The following ASPSCR1 variants were observed in gnomAD, a reference collection of about 807,000 sequenced individuals.
The protein encoded by ASPSCR1 is ASPSCR1 tether for SLC2A4, UBX domain containing, also known as tether containing UBX domain for GLUT4.
Under a neutral mutation model 68.9 loss-of-function variants are expected in ASPSCR1, and 55 were observed. The observed-to-expected ratio is 0.80, with a 90% confidence interval of 0.64 to 1.00. The LOEUF (loss-of-function observed/expected upper bound fraction) is 1.00, where lower values mean the gene tolerates loss of function less well. ASPSCR1 is among the 50% of genes least tolerant of loss of function. The pLI is 0.00. For missense variants in ASPSCR1, 765 were observed against 762.2 expected, an observed-to-expected ratio of 1.00 and a Z score of -0.04; for synonymous variants, 352 against 332.6, an observed-to-expected ratio of 1.06 and a Z score of -0.63.
chr17:82,009,696 G>A (rs534280908), intron 9 of ASPSCR1, 129 bp downstream of exon 9: 13 of 551,030 alleles, frequency 2.4e-5, no homozygotes, highest in Admixed American at 1.2e-4. Context: ...TGGACAGGAC[G>A]TGGTGGCGAC....
intron 2 of ASPSCR1, among the ~76,000 whole-genome samples, chr17:81,979,646 C>T (rs2041730345): frequency 6.6e-6 from 1 of 152,182 alleles, no homozygotes; most frequent in Admixed American, 6.5e-5. Context: ...GGGGTGAGGA[C>T]ATTGACCCAT....
intron 4 of ASPSCR1, among the ~76,000 whole-genome samples, chr17:81,988,148 C>CAAAAAA (rs756745360): frequency 1.0e-5 from 1 of 98,020 alleles, no homozygotes; most frequent in Non-Finnish European, 2.1e-5. Context: ...GACTCTGTCT[C>CAAAAAA]AAAAAAAAAA....
At position 81,986,738 on chromosome 17, in the gene ASPSCR1, C is replaced by T. The variant is rs1221987388; in HGVS notation, c.374+1131C>T. ...AGCATAGGGCCTGTGGGAAGGTGAC[C>T]GCGCGTCGGGCGCTGGGAAGGTGAC... On this transcript the variant is annotated intron_variant, in intron 4 of 15. Transcript: ENST00000306739. The surrounding 1 kb of genome is among the most constrained non-coding windows in gnomAD (Gnocchi z 5.2). 2.0e-5 allele frequency among the ~76,000 whole-genome samples: 3 copies of T among 152,224 alleles called. No homozygotes were observed. The highest frequency in any genetic ancestry group is 1.5e-5 in the Non-Finnish European group (1 of 68,036).
intron 3 of ASPSCR1, among the ~76,000 whole-genome samples, chr17:81,984,269 GC>G (rs2041889587): frequency 6.6e-6 from 1 of 152,082 alleles, no homozygotes; most frequent in African/African-American, 2.4e-5. Context: ...TCATAGAATT[GC>G]CCAGAATGTT....
Position 81,990,341 on chromosome 17 carries a change from C to T in ASPSCR1, c.375-4480C>T, listed in dbSNP as rs888048165. Among the ~76,000 whole-genome samples, 2 of 152,118 alleles carry T rather than the reference C, an allele frequency of 1.3e-5. No individual in the cohort carries two copies. Among genetic ancestry groups the T allele is most frequent in the African/African-American group, 2.4e-5 (1 of 41,438 alleles). On this transcript the variant is annotated intron_variant, in intron 4 of 15. Coordinates refer to ENST00000306739, the MANE Select transcript of ASPSCR1 (RefSeq NM_024083.4). This position sits in a 1 kb window ranked among gnomAD's most constrained non-coding sequence, Gnocchi z 4.1. The stretch of plus-strand genomic sequence containing the variant: ...TTCTCAGGCTCTGCTGCAGGGAGGG[C>T]GTCAGGAGACAGAGGCTGCACACTG...
In ASPSCR1 at chr17:81,995,033, G is replaced by A. The variant is rs758987255; in HGVS notation, c.432+155G>A. On this transcript the variant is annotated intron_variant, in intron 5 of 15. Coordinates refer to ENST00000306739, the MANE Select transcript of ASPSCR1 (RefSeq NM_024083.4). ...TTTCATGGAAAAAGAGGGAGTGGCC[G>A]GCCCTCGGAGCCCGGGCTGCCCCGA... 19 of 817,512 alleles carry A rather than the reference G, an allele frequency of 2.3e-5. No homozygotes were observed. In the East Asian group the frequency reaches 2.8e-4, roughly 12 times the overall value. The allele number at this position is 817,512 out of a possible 1,614,324, so 50.6% of individuals were successfully genotyped here.
chr17:81,979,823 G>A (rs866683428), intron 2 of ASPSCR1, among the ~76,000 whole-genome samples: 2 of 152,152 alleles, frequency 1.3e-5, no homozygotes, highest in African/African-American at 2.4e-5. Flanking sequence ...TTACACGTAC[G>A]CTTCTGTGTG....
rs1267446204 is a variant in ASPSCR1, at chr17:81,977,832, T to C, written c.102+84T>C. 1 of 1,053,132 alleles carries C rather than the reference T, an allele frequency of 9.5e-7. No individual in the cohort carries two copies. Among genetic ancestry groups the C allele is most frequent in the African/African-American group, 1.7e-5 (1 of 59,248 alleles). The allele number at this position is 1,053,132 out of a possible 1,614,324, so 65.2% of individuals were successfully genotyped here. On this transcript the variant is annotated intron_variant, in intron 1 of 15. Transcript: ENST00000306739. This position sits in a 1 kb window ranked among gnomAD's most constrained non-coding sequence, Gnocchi z 5.0. The stretch of plus-strand genomic sequence containing the variant: ...CCGCCCATTGCGGTCGGCGTCCCGG[T>C]GTTCGGGGGCGGGGCCTCGGCGGCC...
chr17:82,000,751 A>T (rs1204091995), intron 7 of ASPSCR1, among the ~76,000 whole-genome samples: 3 of 152,166 alleles, frequency 2.0e-5, no homozygotes, highest in Non-Finnish European at 4.4e-5. Flanking sequence ...GGCATTAATT[A>T]TTAGAAGGTA....
intron 4 of ASPSCR1, among the ~76,000 whole-genome samples, chr17:81,992,228 G>A (rs1274494918): frequency 6.6e-6 from 1 of 152,226 alleles, no homozygotes; most frequent in Non-Finnish European, 1.5e-5. Flanking sequence ...GGGACTTGCA[G>A]AGGTCTGCGT....
intron 7 of ASPSCR1, 105 bp from the exon 8 acceptor site, chr17:82,008,932 C>G: frequency 2.2e-6 from 3 of 1,383,922 alleles, no homozygotes; most frequent in Non-Finnish European, 2.8e-6. Flanking sequence ...GGGAGTGGGC[C>G]CAGCTCCCAA....
At chr17:81,992,764 C>G (rs1164437560) in intron 4 of ASPSCR1, among the ~76,000 whole-genome samples, 3 of 152,254 alleles carry the variant, frequency 2.0e-5, no homozygotes, top group African/African-American at 7.2e-5. Flanking sequence ...GAGTCTCCAG[C>G]CATTTGGAGG....
At position 81,996,596 on chromosome 17, in the gene ASPSCR1, C is replaced by T. The variant is rs199934562; in HGVS notation, c.683C>T (p.Thr228Ile). The T allele has an allele frequency of 1.2e-6, 2 of 1,611,682 alleles. No individual in the cohort carries two copies. The highest frequency in any genetic ancestry group is 2.7e-5 in the African/African-American group (2 of 74,976). ...ACCTCAGGGCCCTGCTGCGAGCACA[C>T]TCAGGAGAAGCAGAGCACAAGGGCA... ...ADTSGPCCEH[T>I]QEKQSTRAPA... The change falls in exon 7 of 16, where the codon ACT (threonine) becomes ATT (isoleucine). Residue 228 changes from threonine (T) to isoleucine (I), a missense_variant. Physicochemically the swap from Thr to Ile is moderately conservative, Grantham distance 89. Coordinates refer to ENST00000306739, the MANE Select transcript of ASPSCR1 (RefSeq NM_024083.4).
intron 9 of ASPSCR1, 40 bp from the exon 10 acceptor site, chr17:82,010,762 C>A: frequency 6.3e-7 from 1 of 1,595,948 alleles, no homozygotes; most frequent in Non-Finnish European, 8.6e-7. Flanking sequence ...CCTGGTGCAG[C>A]TCCGGCCGTC....
chr17:82,016,951 A>G lies in ASPSCR1; in HGVS notation c.1486A>G (p.Arg496Gly), dbSNP rs1203166234. The change falls in exon 15 of 16, where the codon AGG becomes GGG. Residue 496 changes from arginine (R) to glycine (G), a missense_variant. Transcript: ENST00000306739. ...TTCGCCTCCCCACAGGTACATGTCC[A>G]GGGCCGCCGGGTCCCCTTCCCCATT... ...ADVLVARYMS[R>G]AAGSPSPLPA... 1 of 1,611,590 alleles carries G rather than the reference A, an allele frequency of 6.2e-7. No individual in the cohort carries two copies. The highest frequency in any genetic ancestry group is 2.2e-5 in the East Asian group (1 of 44,808).
intron 4 of ASPSCR1, among the ~76,000 whole-genome samples, chr17:81,988,530 G>T (rs201260656): frequency 1.3e-5 from 2 of 152,064 alleles, no homozygotes; most frequent in South Asian, 2.1e-4. Flanking sequence ...TGGTGGGGCC[G>T]TTGGTGGTAA....
intron 4 of ASPSCR1, among the ~76,000 whole-genome samples, chr17:81,993,456 G>A (rs534189651): frequency 3.3e-5 from 5 of 152,214 alleles, no homozygotes; most frequent in African/African-American, 4.8e-5. Context: ...CTCGTGATCC[G>A]CCCATCTCGG....
At position 81,986,778 on chromosome 17, in the gene ASPSCR1, G is replaced by T. The variant is rs1461879500; in HGVS notation, c.374+1171G>T. ...GGGAAGGTGACTGTGCGTTGGGCGC[G>T]CTTGGTGGCCCCAGGGCTGGGCCTG... On this transcript the variant is annotated intron_variant, in intron 4 of 15. Coordinates refer to ENST00000306739, the MANE Select transcript of ASPSCR1 (RefSeq NM_024083.4). This position sits in a 1 kb window ranked among gnomAD's most constrained non-coding sequence, Gnocchi z 5.2. Among the ~76,000 whole-genome samples, 1 of 130,104 alleles carries T rather than the reference G, an allele frequency of 7.7e-6. No homozygotes were observed. Among genetic ancestry groups the T allele is most frequent in the Non-Finnish European group, 1.6e-5 (1 of 62,688 alleles). 85.4% of individuals were successfully genotyped at this position (130,104 alleles called of 152,430 possible). A position where few individuals can be genotyped will look rare whatever the true frequency, so the allele number is the denominator to read the frequency against.
intron 9 of ASPSCR1, 100 bp from the exon 10 acceptor site, chr17:82,010,702 C>G (rs934793699): frequency 1.5e-6 from 2 of 1,300,322 alleles, no homozygotes; most frequent in African/African-American, 2.9e-5. Flanking sequence ...TGCCTCAGCC[C>G]TGGTGTCCAT....
Sources: gnomAD v4.1 joint callset for allele counts (sites outside exome capture counted in the v4.1 genomes callset) on GRCh38, gnomAD v4.1.1 for gene constraint, Gnocchi (gnomAD v3.1) non-coding constraint, MANE v1.5 for transcripts, NCBI Gene and HGNC (gene_info 2026-07-23, HGNC 2026-07-21) for gene names.